The following GPR39 variants were observed in gnomAD, a reference collection of about 807,000 sequenced individuals.
GPR39 encodes G protein-coupled receptor 39.
GPR39 carries 23 observed loss-of-function variants against 18.4 expected under a neutral mutation model. The ratio of observed to expected loss-of-function variants is 1.25; its 90% CI spans 0.90 to 1.77. The LOEUF (loss-of-function observed/expected upper bound fraction) is 1.77, where lower values mean the gene tolerates loss of function less well. Ranked by LOEUF, GPR39 falls within the 40% of genes most tolerant of loss-of-function variation. GPR39 has a pLI of 0.00. For missense variants in GPR39, 647 were observed against 602.4 expected, an observed-to-expected ratio of 1.07 and a Z score of -0.78; for synonymous variants, 280 against 257.9, an observed-to-expected ratio of 1.09 and a Z score of -0.82.
intron 1 of GPR39, among the ~76,000 whole-genome samples, chr2:132,524,365 C>T (rs1679473807): frequency 6.6e-6 from 1 of 152,214 alleles, no homozygotes; most frequent in Non-Finnish European, 1.5e-5. Flanking sequence ...TCCATAAGCT[C>T]AGGACACCTG....
chr2:132,637,153 A>C lies in GPR39; in HGVS notation c.857-7948A>C, dbSNP rs552091151. On this transcript the variant is annotated intron_variant, in intron 1 of 1. Coordinates refer to ENST00000329321, the MANE Select transcript of GPR39 (RefSeq NM_001508.3). The stretch of plus-strand genomic sequence containing the variant: ...TGCATCATAAAGGTACAGGAGCACT[A>C]AACCACAATGATGACCCTAAACTCC... Among the ~76,000 whole-genome samples the C allele has an allele frequency of 6.2e-4, 95 of 152,368 alleles. 3 individuals carry two copies. The South Asian group carries it at 0.016, about 26-fold the overall frequency.
At chr2:132,512,307 C>A (rs1343267320) in intron 1 of GPR39, among the ~76,000 whole-genome samples, 1 of 152,140 alleles carries the variant, frequency 6.6e-6, no homozygotes, top group Non-Finnish European at 1.5e-5. Context: ...AGCACACCTC[C>A]CCAGGTCAGT....
rs780124133 is a variant in GPR39, at chr2:132,646,324, A to G, written c.*718A>G. The G allele has an allele frequency of 7.5e-7, 1 of 1,328,790 alleles. No individual in the cohort carries two copies. Among genetic ancestry groups the G allele is most frequent in the Non-Finnish European group, 1.0e-6 (1 of 1,004,402 alleles). 82.3% of individuals were successfully genotyped at this position (1,328,790 alleles called of 1,614,324 possible). On this transcript the variant is annotated 3_prime_UTR_variant, in exon 2 of 2. Coordinates refer to ENST00000329321, the MANE Select transcript of GPR39 (RefSeq NM_001508.3). Reference sequence around the variant, plus strand: ...GGAGCTGAGTTAACGTGCACCGGCAAAAGAATAGCTGTCCCTCTCAGCCCA... The same window carrying G: ...GGAGCTGAGTTAACGTGCACCGGCAGAAGAATAGCTGTCCCTCTCAGCCCA...
At chr2:132,565,176 G>A (rs1342818891) in intron 1 of GPR39, among the ~76,000 whole-genome samples, 2 of 151,950 alleles carry the variant, frequency 1.3e-5, no homozygotes, top group Non-Finnish European at 2.9e-5. Flanking sequence ...GTGGCGTGAC[G>A]ATTAGCCGGG....
intron 1 of GPR39, among the ~76,000 whole-genome samples, chr2:132,631,345 C>T (rs1478593155): frequency 1.3e-5 from 2 of 152,104 alleles, no homozygotes; most frequent in Non-Finnish European, 2.9e-5. Flanking sequence ...TTATTTTCAC[C>T]CCTATTAAAA....
chr2:132,587,091 C>A (rs762452372), intron 1 of GPR39, among the ~76,000 whole-genome samples: 3 of 152,184 alleles, frequency 2.0e-5, no homozygotes, highest in Non-Finnish European at 4.4e-5. Context: ...AAAGGTCTTG[C>A]GGTAAAGACT....
Position 132,417,684 on chromosome 2 carries a change from C to T in GPR39, c.642C>T (p.Ser214=), listed in dbSNP as rs1285409182. Residue 214 remains serine, a synonymous_variant, in exon 1 of 2, where the codon TCC becomes TCT. Transcript: ENST00000329321. ...ATATGTCCATCTGTACCAACCTCTC[C>T]AGCCGCTGGACCGTGTTCCAGTCCA... is the stretch of plus-strand genomic sequence containing the variant. The part of the protein sequence containing the change: ...TSNMSICTNL[S]SRWTVFQSSI... 3.7e-6 allele frequency: 6 copies of T among 1,614,100 alleles called. No homozygotes were observed. Among genetic ancestry groups the T allele is most frequent in the Non-Finnish European group, 4.2e-6 (5 of 1,180,046 alleles).
chr2:132,587,877 T>C (rs749558660), intron 1 of GPR39, among the ~76,000 whole-genome samples: 1 of 152,194 alleles, frequency 6.6e-6, no homozygotes, highest in Non-Finnish European at 1.5e-5. Flanking sequence ...TATTTTTCCA[T>C]GGCCATGTAC....
chr2:132,488,652 C>T (rs541507126), intron 1 of GPR39: 1 of 152,552 alleles, frequency 6.6e-6, no homozygotes, highest in Non-Finnish European at 1.5e-5. Context: ...AGGGCTGGTA[C>T]TTGAAGTTGT....
intron 1 of GPR39, among the ~76,000 whole-genome samples, chr2:132,628,210 CAG>C (rs1234395406): frequency 6.6e-6 from 1 of 152,206 alleles, no homozygotes; most frequent in Non-Finnish European, 1.5e-5. Context: ...CCTGGAGTTC[CAG>C]ATTTCTGGAA....
chr2:132,579,899 CTG>C (rs1680594718), intron 1 of GPR39, among the ~76,000 whole-genome samples: 1 of 151,964 alleles, frequency 6.6e-6, no homozygotes, highest in African/African-American at 2.4e-5. Flanking sequence ...GCTGAGCTCT[CTG>C]TGAAGAGACC....
intron 1 of GPR39, among the ~76,000 whole-genome samples, chr2:132,618,231 C>T (rs988120570): frequency 1.3e-5 from 2 of 152,246 alleles, no homozygotes; most frequent in African/African-American, 4.8e-5. Flanking sequence ...ACAAAGGTCA[C>T]TCCAACATTC....
rs1678282876 is a variant in GPR39 at position 132,529,496 on chromosome 2, A to G, written c.856+111598A>G. 3.9e-5 allele frequency among the ~76,000 whole-genome samples: 6 copies of G among 152,216 alleles called. No individual in the cohort carries two copies. In the South Asian group the frequency reaches 8.3e-4, roughly 21 times the overall value. On this transcript the variant is annotated intron_variant, in intron 1 of 1. Transcript: ENST00000329321. ...TAAATGTCGCTGTCTGACAGCTTTG[A>G]AAAGAGTAGTGGTTCTCCCAGCACG... is the stretch of plus-strand genomic sequence containing the variant.
intron 1 of GPR39, among the ~76,000 whole-genome samples, chr2:132,583,419 A>T (rs1289029088): frequency 1.0e-5 from 1 of 96,050 alleles, no homozygotes; most frequent in Non-Finnish European, 2.7e-5. Context: ...GGCACATTTA[A>T]TCTAACTTAA....
chr2:132,433,572 T>C (rs1382758711), intron 1 of GPR39: 1 of 151,770 alleles, frequency 6.6e-6, no homozygotes, highest in Non-Finnish European at 1.5e-5. Context: ...AGAAGTAAAG[T>C]CATGATATCA....
chr2:132,457,377 G>A (rs567712605), intron 1 of GPR39, among the ~76,000 whole-genome samples: 37 of 152,086 alleles, frequency 2.4e-4, no homozygotes, highest in Non-Finnish European at 4.9e-4. Context: ...GTTAACCATC[G>A]TCTAATCTTT....
At chr2:132,639,023 T>C (rs1681814464) in intron 1 of GPR39, among the ~76,000 whole-genome samples, 1 of 152,150 alleles carries the variant, frequency 6.6e-6, no homozygotes, top group South Asian at 2.1e-4. Context: ...ACTCTTACTC[T>C]CCTTAACTTT....
At chr2:132,421,138 AG>A (rs1345629961) in intron 1 of GPR39, among the ~76,000 whole-genome samples, 1 of 152,190 alleles carries the variant, frequency 6.6e-6, no homozygotes, top group African/African-American at 2.4e-5. Flanking sequence ...TTCAATGATG[AG>A]GATGTGTAAA....
intron 1 of GPR39, among the ~76,000 whole-genome samples, chr2:132,588,480 A>C (rs187728282): frequency 6.6e-6 from 1 of 152,298 alleles, no homozygotes; most frequent in Admixed American, 6.5e-5. Context: ...CTCAGCTAAG[A>C]AAACATGGAG....
Sources: allele counts gnomAD v4.1 joint callset (sites outside exome capture counted in the v4.1 genomes callset), GRCh38; gene constraint gnomAD v4.1.1; transcripts MANE v1.5; gene names NCBI Gene and HGNC (gene_info 2026-07-23, HGNC 2026-07-21).